The following PEX1 variants were observed in gnomAD, a reference collection of about 807,000 sequenced individuals.
PEX1 encodes the protein peroxisomal ATPase PEX1.
A neutral mutation model predicts 152.5 loss-of-function variants in PEX1; 97 were observed. The observed-to-expected ratio is 0.64, with a 90% CI of 0.54 to 0.75. PEX1 has a LOEUF of 0.75. Among genes scored for constraint, PEX1 ranks in the 30% least tolerant of loss-of-function variants. The pLI, the probability that PEX1 is intolerant of heterozygous loss-of-function variation, is 0.00. For synonymous variants in PEX1, 485 were observed against 531.6 expected, an observed-to-expected ratio of 0.91 and a Z score of 1.21; for missense variants, 1,357 against 1,516.3, an observed-to-expected ratio of 0.89 and a Z score of 1.74.
rs61492841 is a variant in PEX1 at position 92,512,039 on chromosome 7, T to G, written c.1360-336A>C. Among the ~76,000 whole-genome samples the G allele has an allele frequency of 0.027, 4,122 of 152,262 alleles. 218 individuals carry two copies. The highest frequency in any genetic ancestry group is 0.094 in the African/African-American group (3,896 of 41,528). ...CTACGATAAAGACAGGAAAACAAATTCCTTTTTCTTTGAGACAGAATCTCG... is the reference window on the plus strand; with the variant it reads ...CTACGATAAAGACAGGAAAACAAATGCCTTTTTCTTTGAGACAGAATCTCG... On this transcript the variant is annotated intron_variant, in intron 6 of 23. Coordinates refer to ENST00000248633, the MANE Select transcript of PEX1 (RefSeq NM_000466.3).
chr7:92,487,479 C>T lies in PEX1; in HGVS notation c.3830G>A (p.Gly1277Glu), dbSNP rs1304322028. The T allele has an allele frequency of 6.3e-6, 10 of 1,591,198 alleles. No homozygotes were observed. In the East Asian group the frequency reaches 2.2e-4, roughly 36 times the overall value. ...ATTTTATGCTAAAGTTACTTTCTGTCCAGGTCGAAACATTGTTCCACTTTG... is the reference window on the plus strand; with the variant it reads ...ATTTTATGCTAAAGTTACTTTCTGTTCAGGTCGAAACATTGTTCCACTTTG... ...KNQSGTMFRP[G>E]QKVTLA The change falls in exon 24 of 24, where the codon GGA becomes GAA. Residue 1277 changes from glycine (G) to glutamate (E), a missense_variant. Transcript: ENST00000248633.
intron 19 of PEX1, 78 bp downstream of exon 19, chr7:92,494,215 T>C (rs1230391544): frequency 2.0e-5 from 21 of 1,050,458 alleles, no homozygotes; most frequent in Non-Finnish European, 2.8e-5. Context: ...ACAATTGCCA[T>C]TACCTGGCAG....
intron 17 of PEX1, among the ~76,000 whole-genome samples, chr7:92,496,160 A>G (rs1332289402): frequency 6.6e-6 from 1 of 152,100 alleles, no homozygotes; most frequent in Non-Finnish European, 1.5e-5. Context: ...TCTTAACTGT[A>G]TACTTTATAA....
At position 92,499,695 on chromosome 7, in the gene PEX1, A is replaced by T. The variant is rs758628728; in HGVS notation, c.2718+9T>A. 9 of 1,605,884 alleles carry T rather than the reference A, an allele frequency of 5.6e-6. No individual in the cohort carries two copies. The highest frequency in any genetic ancestry group is 1.7e-5 in the Admixed American group (1 of 59,916). Reference sequence around the variant, plus strand: ...CTAAATAAAAAAAGAAGATAAGTAGACAACATACCTTGACACTTATAAAAT... The same window carrying T: ...CTAAATAAAAAAAGAAGATAAGTAGTCAACATACCTTGACACTTATAAAAT... On this transcript the variant is annotated intron_variant, in intron 16 of 23. Transcript: ENST00000248633.
At chr7:92,521,638 C>G (rs975264237) in intron 2 of PEX1, among the ~76,000 whole-genome samples, 9 of 151,676 alleles carry the variant, frequency 5.9e-5, no homozygotes, top group Non-Finnish European at 1.5e-5. Flanking sequence ...GGTTTCACCA[C>G]GTTGGGCAGG....
intron 16 of PEX1, among the ~76,000 whole-genome samples, chr7:92,497,736 A>G (rs958238070): frequency 6.6e-6 from 1 of 152,188 alleles, no homozygotes; most frequent in Non-Finnish European, 1.5e-5. Flanking sequence ...TTTCCTCAAT[A>G]CAGTCAGAGA....
chr7:92,517,971 G>T lies in PEX1; in HGVS notation c.544C>A (p.Arg182Ser). 1.9e-6 allele frequency: 3 copies of T among 1,611,946 alleles called. No homozygotes were observed. Among genetic ancestry groups the T allele is most frequent in the Non-Finnish European group, 2.5e-6 (3 of 1,179,170 alleles). Residue 182 changes from arginine (R) to serine (S), a missense_variant, in exon 5 of 24, where the codon CGC (arginine) becomes AGC (serine). By Grantham distance (110) the Arg-to-Ser change is moderately radical. Transcript: ENST00000248633. ...DTKLLIQPKT[R>S]RAKENTFSKA... ...GAAAATGTATTCTCTTTGGCTCGGC[G>T]TGTCTTTGGCTGAATAAGGAGTTTG...
chr7:92,506,845 G>A, intron 10 of PEX1, 149 bp downstream of exon 10: 1 of 754,358 alleles, frequency 1.3e-6, no homozygotes. Context: ...AAATATTAGT[G>A]AATAAATGAA....
chr7:92,495,290 C>T (rs1307176663), intron 17 of PEX1, among the ~76,000 whole-genome samples: 1 of 151,944 alleles, frequency 6.6e-6, no homozygotes, highest in Non-Finnish European at 1.5e-5. Flanking sequence ...TGGCGAATAA[C>T]ACCTAATATA....
rs61750407 is a variant in PEX1 at position 92,507,020 on chromosome 7, C to T, written c.1777G>A (p.Gly593Arg). The stretch of plus-strand genomic sequence containing the variant: ...TTTCCTCCTGTGAGTAAAAGAGCTC[C>T]ATTCCTAAGTCCTGCAACAAGAGAC... ...LMSLVAGLRN[G>R]ALLLTGGKGS... is the part of the protein sequence containing the mutation. Residue 593 changes from glycine to arginine, a missense_variant, in exon 10 of 24, where the codon GGA becomes AGA. Transcript: ENST00000248633. 6.2e-7 allele frequency: 1 copy of T among 1,613,966 alleles called. No individual in the cohort carries two copies. The highest frequency in any genetic ancestry group is 2.2e-5 in the East Asian group (1 of 44,894).
chr7:92,491,628 CATTA>C (rs536412557), intron 20 of PEX1, 126 bp from the exon 21 acceptor site: 24 of 658,088 alleles, frequency 3.6e-5, no homozygotes, highest in East Asian at 1.9e-4. Context: ...TCAAAGAGCT[CATTA>C]ATTCTCTAAC....
intron 10 of PEX1, chr7:92,506,677 A>C (rs1360916031): frequency 2.0e-6 from 1 of 496,530 alleles, no homozygotes; most frequent in Non-Finnish European, 3.6e-6. Flanking sequence ...CAGGTATGCA[A>C]GGCTGGTTCA....
chr7:92,508,396 G>T (rs1309232355), intron 9 of PEX1, among the ~76,000 whole-genome samples: 2 of 152,102 alleles, frequency 1.3e-5, no homozygotes, highest in African/African-American at 4.8e-5. Flanking sequence ...AAATTAGGCA[G>T]GTGTGGTGGT....
At chr7:92,497,206 C>T (rs1330185412) in intron 16 of PEX1, among the ~76,000 whole-genome samples, 1 of 152,124 alleles carries the variant, frequency 6.6e-6, no homozygotes, top group Non-Finnish European at 1.5e-5. Context: ...AGAATGTAAA[C>T]TCCAAAAAGG....
In PEX1 at chr7:92,507,063, A is replaced by G; in HGVS notation, c.1734T>C (p.Pro578=). The change falls in exon 10 of 24, where the codon CCT becomes CCC. Residue 578 remains proline, a synonymous_variant. Transcript: ENST00000248633. ...CAAGAGACATCAGCTGCCGAGACAA[A>G]GGGCGTCCCAGGAGGCTGTGAGTGA... ...EHITHSLLGR[P]LSRQLMSLVA... is the part of the protein sequence containing the mutation. The G allele has an allele frequency of 6.2e-7, 1 of 1,613,984 alleles. No homozygotes were observed. Among genetic ancestry groups the G allele is most frequent in the Non-Finnish European group, 8.5e-7 (1 of 1,179,882 alleles).
At chr7:92,502,467 TG>T (rs1404637469) in intron 13 of PEX1, among the ~76,000 whole-genome samples, 3 of 152,240 alleles carry the variant, frequency 2.0e-5, no homozygotes, top group African/African-American at 7.2e-5. Context: ...AATTTTTTTT[TG>T]GTTCCTATAA....
In PEX1 at chr7:92,489,782, G is replaced by A. The variant is rs1281995042; in HGVS notation, c.3568C>T (p.Gln1190Ter). 6.2e-7 allele frequency: 1 copy of A among 1,614,090 alleles called. No individual in the cohort carries two copies. The highest frequency in any genetic ancestry group is 8.5e-7 in the Non-Finnish European group (1 of 1,180,010). Residue 1190 changes from glutamine to a stop codon, truncating the protein, a stop_gained, in exon 22 of 24, where the codon CAA (glutamine) becomes TAA (stop). Coordinates refer to ENST00000248633, the MANE Select transcript of PEX1 (RefSeq NM_000466.3). LOFTEE classifies it high-confidence loss of function. Reference protein sequence around the residue: ...ASQEGCQELTQEQRDQLRADI... With the variant: ...ASQEGCQELT ...GCCCTCAGTTGATCTCTTTGTTCTT[G>A]TGTAAGTTCTTGGCAACCCTCTTGT...
At position 92,489,646 on chromosome 7, in the gene PEX1, A is replaced by G. The variant is rs1219765619; in HGVS notation, c.3636+68T>C. 2.2e-6 allele frequency: 3 copies of G among 1,394,930 alleles called. No homozygotes were observed. The African/African-American group carries it at 4.3e-5, about 20-fold the overall frequency. 86.4% of individuals were successfully genotyped at this position (1,394,930 alleles called of 1,614,324 possible). A position where few individuals can be genotyped will look rare whatever the true frequency, so the allele number is the denominator to read the frequency against. On this transcript the variant is annotated intron_variant, in intron 22 of 23. Coordinates refer to ENST00000248633, the MANE Select transcript of PEX1 (RefSeq NM_000466.3). ...TAGCTCGTTTATAAGTCAAAGAAAT[A>G]TATATCAAAAGGGTGAAACAATTTT...
intron 16 of PEX1, among the ~76,000 whole-genome samples, chr7:92,499,152 G>A (rs1403547819): frequency 1.3e-5 from 2 of 152,208 alleles, no homozygotes; most frequent in Non-Finnish European, 2.9e-5. Context: ...GTGAAAGACA[G>A]TTTGGTGGTT....
Sources: allele counts gnomAD v4.1 joint callset (sites outside exome capture counted in the v4.1 genomes callset), GRCh38; gene constraint gnomAD v4.1.1; transcripts MANE v1.5; gene names NCBI Gene and HGNC (gene_info 2026-07-23, HGNC 2026-07-21).